Variants in INPP5A observed in about 807,000 individuals in gnomAD.
INPP5A encodes 43 kDa inositol polyphosphate 5-phophatase.
In INPP5A, 14 loss-of-function variants were observed where a neutral mutation model predicts 65.2. That is an observed-to-expected ratio of 0.21 (90% confidence interval 0.14 to 0.34). INPP5A has a LOEUF of 0.34. Ranked by LOEUF, INPP5A falls within the 10% of genes least tolerant of loss-of-function variation. The pLI is 1.00. For missense variants in INPP5A, 431 were observed against 545.6 expected (o/e 0.79, Z 2.09); for synonymous variants, 207 against 208.3 (o/e 0.99, Z 0.05).
At chr10:132,628,716 A>G (rs113149700) in intron 2 of INPP5A, among the ~76,000 whole-genome samples, 4,154 of 152,290 alleles carry the variant, frequency 0.027, 78 homozygotes, top group African/African-American at 0.046. Context: ...TTTATAAAGA[A>G]CTCTTATAAA....
At chr10:132,720,660 A>C (rs868605131) in intron 8 of INPP5A, among the ~76,000 whole-genome samples, 99 of 128,452 alleles carry the variant, frequency 7.7e-4, no homozygotes, top group African/African-American at 2.9e-3. Context: ...GGCTGTCTTC[A>C]GGGTTCTGTG....
chr10:132,704,747 G>A lies in INPP5A; in HGVS notation c.475-3566G>A, dbSNP rs1334845755. 6.6e-6 allele frequency among the ~76,000 whole-genome samples: 1 copy of A among 152,214 alleles called. No individual in the cohort carries two copies. Among genetic ancestry groups the A allele is most frequent in the African/African-American group, 2.4e-5 (1 of 41,446 alleles). On this transcript the variant is annotated intron_variant, in intron 6 of 15. Transcript: ENST00000368594. This position sits in a 1 kb window ranked among gnomAD's most constrained non-coding sequence, Gnocchi z 4.5. ...TTTGGACGTGTGGGAGATGGAGGAAGGGCGTCTAGTCAGGCAGCAGGCAGC... is the reference window on the plus strand; with the variant it reads ...TTTGGACGTGTGGGAGATGGAGGAAAGGCGTCTAGTCAGGCAGCAGGCAGC...
In INPP5A at chr10:132,726,200, A is replaced by G. The variant is rs552072060; in HGVS notation, c.648-621A>G. ...AGTACAGCTGTACCTGGCTAAAAAC[A>G]TACACACACGTATGCAGCCACTGTT... On this transcript the variant is annotated intron_variant, in intron 8 of 15. Coordinates refer to ENST00000368594, the MANE Select transcript of INPP5A (RefSeq NM_005539.5). Among the ~76,000 whole-genome samples, 25 of 152,356 alleles carry G rather than the reference A, an allele frequency of 1.6e-4. No homozygotes were observed. In the South Asian group the frequency reaches 4.8e-3, roughly 29 times the overall value.
At chr10:132,766,044 CTGTG>C (rs775676149) in intron 12 of INPP5A, among the ~76,000 whole-genome samples, 198 bp downstream of exon 12, 8 of 152,188 alleles carry the variant, frequency 5.3e-5, no homozygotes, top group African/African-American at 1.7e-4. Flanking sequence ...ACAGGTGCGT[CTGTG>C]TGTGAACGTA....
intron 2 of INPP5A, among the ~76,000 whole-genome samples, chr10:132,631,714 G>A (rs535609381): frequency 1.3e-5 from 2 of 152,376 alleles, no homozygotes; most frequent in South Asian, 2.1e-4. Flanking sequence ...GCCCCGCTCC[G>A]CGGCAGAAGC....
intron 2 of INPP5A, among the ~76,000 whole-genome samples, chr10:132,633,441 G>A (rs945553285): frequency 1.3e-5 from 2 of 152,148 alleles, no homozygotes; most frequent in African/African-American, 2.4e-5. Flanking sequence ...GTTTTAAAAC[G>A]AAGTCTCTGA....
At chr10:132,718,357 T>A (rs1845784496) in intron 8 of INPP5A, among the ~76,000 whole-genome samples, 1 of 151,326 alleles carries the variant, frequency 6.6e-6, no homozygotes, top group South Asian at 2.1e-4. Flanking sequence ...GACAGCTGTC[T>A]TCAGGGTTCT....
In INPP5A at chr10:132,698,382, G is replaced by A. The variant is rs945324592; in HGVS notation, c.474+463G>A. ...GGTTGTGCCAGGCTGCGAGCAGCAG[G>A]GTCCCGGCAGTTATGCCTGCGTCAC... is the stretch of plus-strand genomic sequence containing the variant. On this transcript the variant is annotated intron_variant, in intron 6 of 15. Coordinates refer to ENST00000368594, the MANE Select transcript of INPP5A (RefSeq NM_005539.5). The surrounding 1 kb of genome is among the most constrained non-coding windows in gnomAD (Gnocchi z 5.5). Among the ~76,000 whole-genome samples the A allele has an allele frequency of 2.0e-5, 3 of 152,212 alleles. No homozygotes were observed. Among genetic ancestry groups the A allele is most frequent in the Admixed American group, 6.5e-5 (1 of 15,280 alleles).
In INPP5A at chr10:132,753,626, GGA is replaced by G. The variant is rs1026562108; in HGVS notation, c.903+3786_903+3787del. 10 of 152,304 alleles carry G rather than the reference GGA, an allele frequency of 6.6e-5. No homozygotes were observed. The highest frequency in any genetic ancestry group is 3.4e-3 in the Middle Eastern group (1 of 294). The allele number at this position is 152,304 out of a possible 1,614,324, so 9.4% of individuals were successfully genotyped here. On this transcript the variant is annotated intron_variant, in intron 11 of 15. Transcript: ENST00000368594. This position sits in a 1 kb window ranked among gnomAD's most constrained non-coding sequence, Gnocchi z 5.3. ...GGATGGAGTGCCCTGGTGAGGATTTGGAGAGATTAAATTTTCCTCGGCTGTCC... is the reference window on the plus strand; with the variant it reads ...GGATGGAGTGCCCTGGTGAGGATTTGGAGATTAAATTTTCCTCGGCTGTCC...
chr10:132,596,773 GTGTT>G (rs59866080), intron 1 of INPP5A, among the ~76,000 whole-genome samples: 2,306 of 152,008 alleles, frequency 0.015, 48 homozygotes, highest in African/African-American at 0.052. Context: ...GCATGCATGT[GTGTT>G]TGTGTGCAGG....
rs549572343 is a variant in INPP5A at position 132,712,210 on chromosome 10, CGT to C, written c.647+1760_647+1761del. Among the ~76,000 whole-genome samples, 12 of 151,756 alleles carry C rather than the reference CGT, an allele frequency of 7.9e-5. No individual in the cohort carries two copies. The East Asian group carries it at 1.4e-3, about 17-fold the overall frequency. On this transcript the variant is annotated intron_variant, in intron 8 of 15. Transcript: ENST00000368594. ...TTCAGTGTGCATGTGTGTGCCTGTG[CGT>C]GTGTGCATGCCTGAGTGTGCACACC...
rs12764453 is a variant in INPP5A, at chr10:132,718,096, C to T, written c.647+7640C>T. Among the ~76,000 whole-genome samples, 178 of 86,410 alleles carry T rather than the reference C, an allele frequency of 2.1e-3. 1 individual carries two copies. Among genetic ancestry groups the T allele is most frequent in the Middle Eastern group, 0.012 (1 of 82 alleles). 56.7% of individuals were successfully genotyped at this position (86,410 alleles called of 152,430 possible). ...GTTCTGTCTGGGTGCCTTAGACGGCCGTCTTCAGGGTTCTGTGGTACCTGG... is the reference window on the plus strand; with the variant it reads ...GTTCTGTCTGGGTGCCTTAGACGGCTGTCTTCAGGGTTCTGTGGTACCTGG... On this transcript the variant is annotated intron_variant, in intron 8 of 15. Transcript: ENST00000368594.
At chr10:132,754,223 G>A (rs1268094149) in intron 11 of INPP5A, among the ~76,000 whole-genome samples, 1 of 152,248 alleles carries the variant, frequency 6.6e-6, no homozygotes, top group Non-Finnish European at 1.5e-5. Flanking sequence ...ATGGTCGTGT[G>A]TACCTCTGCC....
At chr10:132,713,351 T>TG (rs1845684091) in intron 8 of INPP5A, among the ~76,000 whole-genome samples, 1 of 151,958 alleles carries the variant, frequency 6.6e-6, no homozygotes, top group South Asian at 2.1e-4. Context: ...CAGGGGGAGT[T>TG]GGAGCTGATG....
At chr10:132,665,566 A>G (rs1194028704) in intron 4 of INPP5A, among the ~76,000 whole-genome samples, 1 of 146,436 alleles carries the variant, frequency 6.8e-6, no homozygotes, top group Non-Finnish European at 1.5e-5. Context: ...AGGCTGAGGC[A>G]GGTGAATTGC....
chr10:132,778,946 C>T (rs1847113026), intron 13 of INPP5A, among the ~76,000 whole-genome samples: 1 of 152,250 alleles, frequency 6.6e-6, no homozygotes, highest in Non-Finnish European at 1.5e-5. Context: ...CCATGTGGCT[C>T]TGTCTGCCGG....
chr10:132,543,890 G>C (rs1020125327), intron 1 of INPP5A, among the ~76,000 whole-genome samples: 1 of 152,216 alleles, frequency 6.6e-6, no homozygotes, highest in Non-Finnish European at 1.5e-5. Flanking sequence ...GGATGTTTGG[G>C]CTGTTCCCGC....
chr10:132,606,730 G>A (rs553673086), intron 1 of INPP5A, among the ~76,000 whole-genome samples: 11 of 152,332 alleles, frequency 7.2e-5, no homozygotes, highest in Admixed American at 3.3e-4. Context: ...CTGCACTGGC[G>A]GCCTGCACGC....
intron 2 of INPP5A, among the ~76,000 whole-genome samples, chr10:132,619,967 C>T (rs1293088580): frequency 6.6e-6 from 1 of 152,244 alleles, no homozygotes; most frequent in East Asian, 1.9e-4. Flanking sequence ...TTCACTCTTG[C>T]ATTCTGTGCA....
Sources: allele counts gnomAD v4.1 joint callset (sites outside exome capture counted in the v4.1 genomes callset), GRCh38; gene constraint gnomAD v4.1.1; non-coding constraint Gnocchi (gnomAD v3.1); transcripts MANE v1.5; gene names NCBI Gene and HGNC (gene_info 2026-07-23, HGNC 2026-07-21).